Variants in MKLN1 observed in about 807,000 individuals in gnomAD.
MKLN1 encodes the protein muskelin.
MKLN1 carries 18 observed loss-of-function variants against 99.0 expected under a neutral mutation model. That is an observed-to-expected ratio of 0.18 (90% CI 0.13 to 0.27). The LOEUF (loss-of-function observed/expected upper bound fraction) is 0.27. MKLN1 is among the 10% of genes least tolerant of loss of function. The pLI is 1.00. For missense variants in MKLN1, 621 were observed against 875.9 expected (o/e 0.71, Z 3.67); for synonymous variants, 288 against 293.2 (o/e 0.98, Z 0.18).
chr7:131,144,907 G>A (rs1319035134), intron 2 of MKLN1, among the ~76,000 whole-genome samples: 1 of 152,048 alleles, frequency 6.6e-6, no homozygotes, highest in Non-Finnish European at 1.5e-5. Flanking sequence ...AACCCGGTAG[G>A]CAGAAGTTGC....
rs533286780 is a variant in MKLN1 at position 131,381,157 on chromosome 7, TCATTTAC to T, written c.168+5665_168+5671del. Among the ~76,000 whole-genome samples the T allele has an allele frequency of 5.9e-5, 9 of 152,338 alleles. No individual in the cohort carries two copies. The South Asian group carries it at 1.9e-3, about 32-fold the overall frequency. Reference sequence around the variant, plus strand: ...ACATGTATTTTCTCCATAAGGCATATCATTTACTTAAACTACTTTGGAAGAAGCTTAT... The same window carrying T: ...ACATGTATTTTCTCCATAAGGCATATTTAAACTACTTTGGAAGAAGCTTAT... On this transcript the variant is annotated intron_variant, in intron 2 of 17. Coordinates refer to ENST00000352689, the MANE Select transcript of MKLN1 (RefSeq NM_013255.5).
At chr7:131,399,977 A>G (rs1431163330) in intron 6 of MKLN1, among the ~76,000 whole-genome samples, 2 of 152,128 alleles carry the variant, frequency 1.3e-5, no homozygotes, top group Non-Finnish European at 2.9e-5. Flanking sequence ...TTTGGAGGGT[A>G]ACACTCATTT....
intron 3 of MKLN1, among the ~76,000 whole-genome samples, chr7:131,219,197 A>G (rs1022595160): frequency 7.4e-6 from 1 of 134,886 alleles, no homozygotes; most frequent in African/African-American, 2.6e-5. Context: ...GGCAAATTTT[A>G]TATTTTGGGT....
intron 3 of MKLN1, among the ~76,000 whole-genome samples, chr7:131,270,514 C>T (rs1797869506): frequency 6.6e-6 from 1 of 152,234 alleles, no homozygotes; most frequent in African/African-American, 2.4e-5. Flanking sequence ...AGCCACCGTG[C>T]CCAGCCTATG....
At chr7:131,154,744 G>A (rs1271862260) in intron 2 of MKLN1, among the ~76,000 whole-genome samples, 1 of 152,020 alleles carries the variant, frequency 6.6e-6, no homozygotes, top group Non-Finnish European at 1.5e-5. Context: ...TTCTATTTCT[G>A]GTCATTTAGA....
intron 1 of MKLN1, among the ~76,000 whole-genome samples, chr7:131,129,012 C>T (rs575472234): frequency 1.3e-5 from 2 of 150,434 alleles, no homozygotes; most frequent in South Asian, 2.1e-4. Context: ...GCAAACAACT[C>T]ATACACTTAC....
chr7:131,464,297 T>A lies in MKLN1; in HGVS notation c.1677T>A (p.Ser559=). The A allele has an allele frequency of 6.3e-7, 1 of 1,596,414 alleles. No homozygotes were observed. The highest frequency in any genetic ancestry group is 1.1e-5 in the South Asian group (1 of 90,346). ...CCTTAAAAGCAATGTCTTGCAGGTC[T>A]TGTGTCTATAAGAATGATCAAGCTG... The part of the protein sequence containing the change: ...WIYDIVRNSW[S]CVYKNDQAAK... The change falls in exon 14 of 18, where the codon TCT becomes TCA. Residue 559 remains serine, a synonymous_variant. Coordinates refer to ENST00000352689, the MANE Select transcript of MKLN1 (RefSeq NM_013255.5).
At chr7:131,197,629 C>T (rs1796668283) in intron 2 of MKLN1, among the ~76,000 whole-genome samples, 1 of 151,788 alleles carries the variant, frequency 6.6e-6, no homozygotes, top group African/African-American at 2.4e-5. Context: ...CTAGAGCATG[C>T]CTGATAGTCA....
intron 12 of MKLN1, among the ~76,000 whole-genome samples, chr7:131,456,044 TC>T (rs66826457): frequency 0.99 from 148,766 of 149,916 alleles, 73,817 homozygotes; most frequent in Non-Finnish European, 1. Context: ...AGACTCTGTC[TC>T]CAAACCAAAA....
intron 2 of MKLN1, among the ~76,000 whole-genome samples, chr7:131,192,059 TATATATATTATATATATAC>T (rs1268844979): frequency 3.5e-5 from 4 of 114,996 alleles, no homozygotes; most frequent in Non-Finnish European, 5.2e-5. Context: ...TATACATGTA[TATATATATTATATATATAC>T]ATATATATTA....
At position 131,492,809 on chromosome 7, in the gene MKLN1, A is replaced by T. The variant is rs538322332; in HGVS notation, c.*5081A>T. The T allele has an allele frequency of 2.6e-5, 4 of 152,160 alleles. No individual in the cohort carries two copies. Among genetic ancestry groups the T allele is most frequent in the East Asian group, 1.9e-4 (1 of 5,178 alleles). The allele number at this position is 152,160 out of a possible 1,614,324, so 9.4% of individuals were successfully genotyped here. On this transcript the variant is annotated 3_prime_UTR_variant, in exon 18 of 18. Transcript: ENST00000352689. ...CTAACTCTTAGGCCAGTCATAGCCA[A>T]TGAAATCATCTGACGGTAGCTTCTG... is the stretch of plus-strand genomic sequence containing the variant.
chr7:131,150,851 C>T (rs745980828), intron 2 of MKLN1, among the ~76,000 whole-genome samples: 30 of 151,522 alleles, frequency 2.0e-4, no homozygotes, highest in Non-Finnish European at 3.1e-4. Flanking sequence ...AAAACGTGAA[C>T]AAGCAGAAGA....
chr7:131,289,722 A>C (rs572283942), intron 3 of MKLN1, among the ~76,000 whole-genome samples: 1 of 152,320 alleles, frequency 6.6e-6, no homozygotes, highest in South Asian at 2.1e-4. Flanking sequence ...TAAAATCAGT[A>C]TCTACTTCAT....
At chr7:131,243,010 G>A (rs920067992) in intron 3 of MKLN1, 4 of 572,378 alleles carry the variant, frequency 7.0e-6, no homozygotes, top group Non-Finnish European at 6.6e-6. Flanking sequence ...TAGATGCTTC[G>A]TTTTGGTCAT....
intron 3 of MKLN1, among the ~76,000 whole-genome samples, chr7:131,307,929 T>G (rs1221511630): frequency 6.6e-6 from 1 of 152,192 alleles, no homozygotes; most frequent in African/African-American, 2.4e-5. Context: ...AGGGGCAGAA[T>G]GATATGGTTT....
At chr7:131,356,096 A>C (rs967070850) in intron 1 of MKLN1, among the ~76,000 whole-genome samples, 2 of 150,060 alleles carry the variant, frequency 1.3e-5, no homozygotes, top group African/African-American at 4.9e-5. Context: ...GAAGGGAAGA[A>C]AAGGAAAGGA....
intron 2 of MKLN1, among the ~76,000 whole-genome samples, chr7:131,151,204 C>G (rs1795884261): frequency 6.6e-6 from 1 of 152,216 alleles, no homozygotes; most frequent in Non-Finnish European, 1.5e-5. Context: ...GAAGGAGCAG[C>G]CTTCCCTCTG....
intron 2 of MKLN1, among the ~76,000 whole-genome samples, chr7:131,181,347 T>C (rs754918942): frequency 8.5e-5 from 13 of 152,208 alleles, no homozygotes; most frequent in Non-Finnish European, 1.0e-4. Flanking sequence ...TGTTATCAGG[T>C]TTAAACATTA....
intron 3 of MKLN1, among the ~76,000 whole-genome samples, chr7:131,227,557 T>C (rs953736051): frequency 9.3e-5 from 9 of 96,666 alleles, no homozygotes; most frequent in African/African-American, 3.1e-4. Context: ...TTTCCTTCCT[T>C]CCTTCCCTCT....
Sources: allele counts gnomAD v4.1 joint callset (sites outside exome capture counted in the v4.1 genomes callset), GRCh38; gene constraint gnomAD v4.1.1; transcripts MANE v1.5; gene names NCBI Gene and HGNC (gene_info 2026-07-23, HGNC 2026-07-21).